The following CSMD3 variants were observed in gnomAD, a reference collection of about 807,000 sequenced individuals.
CSMD3 encodes the protein CUB and sushi domain-containing protein 3.
In CSMD3, 177 loss-of-function variants were observed where a neutral mutation model predicts 435.2. That is an observed-to-expected ratio of 0.41 (90% CI 0.36 to 0.46). The LOEUF (loss-of-function observed/expected upper bound fraction) is 0.46, where lower values mean the gene tolerates loss of function less well. Among genes scored for constraint, CSMD3 ranks in the 20% least tolerant of loss-of-function variants. The pLI, the probability that CSMD3 is intolerant of heterozygous loss-of-function variation, is 0.34. For missense variants in CSMD3, 4,265 were observed against 4,504.6 expected (o/e 0.95, Z 1.52); for synonymous variants, 1,656 against 1,520.5 (o/e 1.09, Z -2.07).
At chr8:113,403,024 A>T (rs542026699) in intron 1 of CSMD3, among the ~76,000 whole-genome samples, 2 of 151,432 alleles carry the variant, frequency 1.3e-5, no homozygotes, top group Admixed American at 6.6e-5. Context: ...CACCCTCTGA[A>T]TGTAAAGACC....
chr8:112,981,329 T>G (rs2085046554), intron 6 of CSMD3, among the ~76,000 whole-genome samples: 1 of 151,374 alleles, frequency 6.6e-6, no homozygotes, highest in African/African-American at 2.4e-5. Flanking sequence ...ATTCAGTAAT[T>G]CATGTAACAG....
rs144253223 is a variant in CSMD3 at position 112,982,720 on chromosome 8, C to A, written c.1031-6572G>T. On this transcript the variant is annotated intron_variant, in intron 6 of 70. Transcript: ENST00000297405. ...ACATGTCTTACAGAGGCCTTATCCC[C>A]TATTTCTGACTGAATATTTGATATA... Among the ~76,000 whole-genome samples the A allele has an allele frequency of 6.6e-3, 998 of 151,964 alleles. 11 individuals carry two copies. Among genetic ancestry groups the A allele is most frequent in the African/African-American group, 0.023 (958 of 41,492 alleles).
At chr8:112,450,560 T>C (rs886207616) in intron 32 of CSMD3, among the ~76,000 whole-genome samples, 10 of 152,098 alleles carry the variant, frequency 6.6e-5, no homozygotes, top group African/African-American at 2.4e-4. Context: ...AGAGTTTGAG[T>C]CCCTACAGAC....
chr8:112,873,964 T>C (rs1587539887), intron 10 of CSMD3, among the ~76,000 whole-genome samples: 1 of 152,286 alleles, frequency 6.6e-6, no homozygotes, highest in East Asian at 1.9e-4. Flanking sequence ...TTGAATTTGT[T>C]TGCTCTTGCT....
chr8:112,594,497 G>A (rs76393225), intron 22 of CSMD3, among the ~76,000 whole-genome samples: 86,943 of 152,000 alleles, frequency 0.57, 25,383 homozygotes, highest in African/African-American at 0.67. Flanking sequence ...CTGGAAGCTC[G>A]AACTGGGTGT....
intron 13 of CSMD3, among the ~76,000 whole-genome samples, chr8:112,716,015 A>G (rs1306928744): frequency 6.6e-6 from 1 of 152,224 alleles, no homozygotes; most frequent in Non-Finnish European, 1.5e-5. Flanking sequence ...AAACTGGCAC[A>G]AAACAAAGAT....
At chr8:112,568,240 A>G (rs1256922907) in intron 24 of CSMD3, among the ~76,000 whole-genome samples, 1 of 152,178 alleles carries the variant, frequency 6.6e-6, no homozygotes, top group East Asian at 1.9e-4. Flanking sequence ...CAAAAAGACT[A>G]CATGAGATTT....
intron 31 of CSMD3, among the ~76,000 whole-genome samples, chr8:112,492,263 T>C (rs1820774232): frequency 6.6e-6 from 1 of 152,144 alleles, no homozygotes; most frequent in African/African-American, 2.4e-5. Flanking sequence ...GTTTGCCTAT[T>C]ATAGTACACA....
intron 22 of CSMD3, among the ~76,000 whole-genome samples, chr8:112,594,074 C>G (rs7461678): frequency 1 from 152,261 of 152,264 alleles, 76,129 homozygotes; most frequent in Non-Finnish European, 1. Context: ...CGACGCAGAA[C>G]ACGGGTGATT....
intron 3 of CSMD3, among the ~76,000 whole-genome samples, chr8:113,213,708 T>G (rs563304485): frequency 4.6e-5 from 7 of 152,180 alleles, no homozygotes; most frequent in African/African-American, 1.4e-4. Context: ...ATTACAATGA[T>G]TTTATAATTT....
At chr8:113,273,022 A>C (rs1361607738) in intron 3 of CSMD3, among the ~76,000 whole-genome samples, 2 of 152,134 alleles carry the variant, frequency 1.3e-5, no homozygotes, top group Admixed American at 6.6e-5. Flanking sequence ...CAATGTTTCC[A>C]ACACAAAGAG....
intron 63 of CSMD3, among the ~76,000 whole-genome samples, chr8:112,250,903 A>C (rs901527942): frequency 2.4e-4 from 36 of 151,942 alleles, no homozygotes; most frequent in Middle Eastern, 3.4e-3. Context: ...AGTAAACATC[A>C]CTTATGTTCT....
intron 10 of CSMD3, among the ~76,000 whole-genome samples, chr8:112,868,283 G>A (rs1031718913): frequency 7.2e-5 from 11 of 152,048 alleles, no homozygotes; most frequent in Non-Finnish European, 1.0e-4. Flanking sequence ...GTCTAAGGCT[G>A]TTTTACTGCT....
At chr8:113,331,509 T>A (rs1358295972) in intron 1 of CSMD3, among the ~76,000 whole-genome samples, 1 of 151,710 alleles carries the variant, frequency 6.6e-6, no homozygotes, top group Non-Finnish European at 1.5e-5. Context: ...ATATTCCTTA[T>A]GAATATTGAT....
chr8:113,397,379 C>G (rs778077180), intron 1 of CSMD3, among the ~76,000 whole-genome samples: 2 of 151,770 alleles, frequency 1.3e-5, no homozygotes, highest in Non-Finnish European at 2.9e-5. Flanking sequence ...ATGTTTTTGT[C>G]TTAATCTTAT....
intron 1 of CSMD3, among the ~76,000 whole-genome samples, chr8:113,321,903 AT>A (rs1337119344): frequency 2.0e-5 from 3 of 152,198 alleles, no homozygotes; most frequent in Non-Finnish European, 4.4e-5. Flanking sequence ...GAGGAACAAT[AT>A]TTCTTTGCAT....
At chr8:112,531,909 C>T (rs1434239904) in intron 27 of CSMD3, among the ~76,000 whole-genome samples, 3 of 151,824 alleles carry the variant, frequency 2.0e-5, no homozygotes, top group African/African-American at 4.8e-5. Flanking sequence ...TTGGAGTGCC[C>T]GAGATATGCA....
chr8:112,757,736 T>C (rs1432353994), intron 13 of CSMD3, among the ~76,000 whole-genome samples: 1 of 152,106 alleles, frequency 6.6e-6, no homozygotes, highest in Admixed American at 6.6e-5. Context: ...ATTTTCAAGA[T>C]TGATCCTTTG....
rs185676633 is a variant in CSMD3 at position 113,125,663 on chromosome 8, A to T, written c.710-26700T>A. Among the ~76,000 whole-genome samples, 749 of 152,110 alleles carry T rather than the reference A, an allele frequency of 4.9e-3. 1 individual carries two copies. The highest frequency in any genetic ancestry group is 7.3e-3 in the Non-Finnish European group (495 of 67,900). ...AAGGACTGGCCAGTAAAGTGAAATT[A>T]AACCAGGGGAGTAAGGTGTTTCTGA... is the stretch of plus-strand genomic sequence containing the variant. On this transcript the variant is annotated intron_variant, in intron 4 of 70. Transcript: ENST00000297405.
Sources: allele counts gnomAD v4.1 joint callset (sites outside exome capture counted in the v4.1 genomes callset), GRCh38; gene constraint gnomAD v4.1.1; transcripts MANE v1.5; gene names NCBI Gene and HGNC (gene_info 2026-07-23, HGNC 2026-07-21).